The following NKAIN2 variants were observed in gnomAD, a reference collection of about 807,000 sequenced individuals.
NKAIN2 encodes sodium/potassium transporting ATPase interacting 2.
NKAIN2 carries 14 observed loss-of-function variants against 32.6 expected under a neutral mutation model. The observed-to-expected ratio is 0.43, with a 90% CI of 0.28 to 0.67. NKAIN2 has a LOEUF of 0.67. NKAIN2 is among the 30% of genes least tolerant of loss of function. NKAIN2 has a pLI of 0.17. For synonymous variants in NKAIN2, 80 were observed against 87.2 expected, an observed-to-expected ratio of 0.92 and a Z score of 0.46; for missense variants, 198 against 258.3, an observed-to-expected ratio of 0.77 and a Z score of 1.60.
intron 1 of NKAIN2, among the ~76,000 whole-genome samples, chr6:124,007,149 G>A (rs189755847): frequency 6.6e-6 from 1 of 152,240 alleles, no homozygotes; most frequent in East Asian, 1.9e-4. Context: ...GCTGAATATT[G>A]TAGGAAATTG....
chr6:124,157,466 T>G (rs927741471), intron 1 of NKAIN2, among the ~76,000 whole-genome samples: 1 of 152,206 alleles, frequency 6.6e-6, no homozygotes, highest in Non-Finnish European at 1.5e-5. Flanking sequence ...GTAGCGCTAT[T>G]GCTTTATTTT....
intron 1 of NKAIN2, among the ~76,000 whole-genome samples, chr6:123,816,186 A>G (rs1773687660): frequency 6.6e-6 from 1 of 152,128 alleles, no homozygotes; most frequent in South Asian, 2.1e-4. Flanking sequence ...ATGAATGGCA[A>G]GTAGGGAAGA....
At chr6:124,297,038 T>G (rs965565822) in intron 2 of NKAIN2, among the ~76,000 whole-genome samples, 25 of 152,192 alleles carry the variant, frequency 1.6e-4, no homozygotes, top group Non-Finnish European at 2.9e-4. Context: ...CTCTCATAAA[T>G]GATACACAGC....
chr6:124,178,459 G>A (rs563617708), intron 1 of NKAIN2, among the ~76,000 whole-genome samples: 3 of 151,804 alleles, frequency 2.0e-5, no homozygotes, highest in East Asian at 2.0e-4. Context: ...CACCATGCCC[G>A]GCTAATTTTT....
intron 4 of NKAIN2, among the ~76,000 whole-genome samples, chr6:124,677,112 G>A (rs778026620): frequency 6.6e-6 from 1 of 152,032 alleles, no homozygotes; most frequent in African/African-American, 2.4e-5. Flanking sequence ...GGGATTGCAG[G>A]TCCACGCCAC....
intron 1 of NKAIN2, among the ~76,000 whole-genome samples, chr6:124,045,384 A>T (rs1217148005): frequency 1.3e-5 from 2 of 152,032 alleles, no homozygotes; most frequent in Non-Finnish European, 2.9e-5. Context: ...TTGCCATGGA[A>T]AAATGGAAAG....
intron 1 of NKAIN2, among the ~76,000 whole-genome samples, chr6:123,988,332 A>G (rs1380887089): frequency 2.0e-5 from 3 of 152,194 alleles, no homozygotes; most frequent in East Asian, 1.9e-4. Flanking sequence ...ATAAGTCTTC[A>G]TAAAGGAAGG....
At chr6:124,140,743 C>T (rs781337110) in intron 1 of NKAIN2, among the ~76,000 whole-genome samples, 2 of 152,114 alleles carry the variant, frequency 1.3e-5, no homozygotes, top group African/African-American at 4.8e-5. Flanking sequence ...AAATAATACA[C>T]ATTCATTGTA....
intron 4 of NKAIN2, among the ~76,000 whole-genome samples, chr6:124,778,990 C>G (rs996672331): frequency 6.6e-6 from 1 of 151,994 alleles, no homozygotes; most frequent in Non-Finnish European, 1.5e-5. Flanking sequence ...TTTTTATCTT[C>G]ATCTTGGGCC....
intron 1 of NKAIN2, among the ~76,000 whole-genome samples, chr6:124,188,313 C>G (rs1789848733): frequency 6.6e-6 from 1 of 152,156 alleles, no homozygotes; most frequent in Non-Finnish European, 1.5e-5. Flanking sequence ...ATAGGGCAGG[C>G]TATCAGAAGG....
At chr6:124,172,146 T>G (rs1788927404) in intron 1 of NKAIN2, among the ~76,000 whole-genome samples, 1 of 152,130 alleles carries the variant, frequency 6.6e-6, no homozygotes, top group Admixed American at 6.5e-5. Context: ...GTTGAACAAG[T>G]TTTTTGCATT....
At chr6:123,914,269 G>C (rs1775377898) in intron 1 of NKAIN2, among the ~76,000 whole-genome samples, 1 of 151,890 alleles carries the variant, frequency 6.6e-6, no homozygotes, top group African/African-American at 2.4e-5. Flanking sequence ...GACACACAGA[G>C]AGAGACAGAG....
At chr6:124,326,613 A>G (rs1423858753) in intron 2 of NKAIN2, among the ~76,000 whole-genome samples, 1 of 151,738 alleles carries the variant, frequency 6.6e-6, no homozygotes, top group East Asian at 1.9e-4. Context: ...ACTCACCCTT[A>G]CCTCCAGGGT....
At chr6:124,253,831 CT>C (rs774924597) in intron 1 of NKAIN2, among the ~76,000 whole-genome samples, 11,273 of 134,054 alleles carry the variant, frequency 0.084, 304 homozygotes, top group Middle Eastern at 0.11. Context: ...CAATGTTCTA[CT>C]TTTTTTTTTT....
chr6:124,535,877 C>T (rs145694196), intron 3 of NKAIN2, among the ~76,000 whole-genome samples: 1 of 152,336 alleles, frequency 6.6e-6, no homozygotes, highest in South Asian at 2.1e-4. Context: ...CCCTCCCTTC[C>T]TCCTCACTGC....
At chr6:124,016,010 A>G (rs1222005409) in intron 1 of NKAIN2, among the ~76,000 whole-genome samples, 1 of 152,166 alleles carries the variant, frequency 6.6e-6, no homozygotes, top group Non-Finnish European at 1.5e-5. Flanking sequence ...TTTATAGAAC[A>G]AGATGAAACT....
At position 124,756,148 on chromosome 6, in the gene NKAIN2, A is replaced by T. The variant is rs367939133; in HGVS notation, c.475-35191A>T. On this transcript the variant is annotated intron_variant, in intron 4 of 6. Transcript: ENST00000368417. ...AAGATATATTTTTACATAAATAAATAAATAAGCAAAATGAACAACGGTTTA... is the reference window on the plus strand; with the variant it reads ...AAGATATATTTTTACATAAATAAATTAATAAGCAAAATGAACAACGGTTTA... 3.3e-5 allele frequency among the ~76,000 whole-genome samples: 5 copies of T among 152,188 alleles called. No individual in the cohort carries two copies. The East Asian group carries it at 5.8e-4, about 18-fold the overall frequency.
chr6:124,045,809 C>G (rs2114820646), intron 1 of NKAIN2, among the ~76,000 whole-genome samples: 1 of 152,108 alleles, frequency 6.6e-6, no homozygotes, highest in East Asian at 1.9e-4. Context: ...ATCTCTGGCC[C>G]TTTCAGTAAA....
intron 1 of NKAIN2, among the ~76,000 whole-genome samples, chr6:123,822,284 A>G (rs377103696): frequency 6.6e-6 from 1 of 151,764 alleles, no homozygotes. Context: ...ATTTCCTAAC[A>G]TTGGACATTT....
Sources: allele counts gnomAD v4.1 joint callset (sites outside exome capture counted in the v4.1 genomes callset), GRCh38; gene constraint gnomAD v4.1.1; transcripts MANE v1.5; gene names NCBI Gene and HGNC (gene_info 2026-07-23, HGNC 2026-07-21).